Variants in ABTB2 observed in about 807,000 individuals in gnomAD.
The protein encoded by ABTB2 is ankyrin repeat and BTB domain containing 2.
In ABTB2, 56 loss-of-function variants were observed where a neutral mutation model predicts 104.1. That is an observed-to-expected ratio of 0.54 (90% CI 0.43 to 0.67). The LOEUF (loss-of-function observed/expected upper bound fraction) is 0.67. ABTB2 is among the 30% of genes least tolerant of loss of function. The probability of loss-of-function intolerance (pLI) is 0.00; values close to 1 mark genes in which losing one functional copy is unlikely to be tolerated. For missense variants in ABTB2, 1,279 were observed against 1,407.7 expected (o/e 0.91, Z 1.46); for synonymous variants, 606 against 608.2 (o/e 1.00, Z 0.05).
chr11:34,242,353 C>T (rs1853929415), intron 1 of ABTB2: 1 of 152,302 alleles, frequency 6.6e-6, no homozygotes, highest in African/African-American at 2.4e-5. Context: ...CCAGACTACT[C>T]TAGGACTCCG....
intron 3 of ABTB2, among the ~76,000 whole-genome samples, chr11:34,174,861 C>T (rs1852940919): frequency 6.6e-6 from 1 of 152,278 alleles, no homozygotes; most frequent in South Asian, 2.1e-4. Flanking sequence ...GCCCAAAAGT[C>T]AGCCTCCCGG....
At chr11:34,166,909 G>A (rs921412292) in intron 7 of ABTB2, among the ~76,000 whole-genome samples, 2 of 152,212 alleles carry the variant, frequency 1.3e-5, no homozygotes, top group South Asian at 4.1e-4. Context: ...GAGGAGAAAA[G>A]GGAAGGGTCG....
Position 34,203,819 on chromosome 11 carries a change from C to T in ABTB2, c.1030+725G>A, listed in dbSNP as rs942315356. On this transcript the variant is annotated intron_variant, in intron 2 of 16. Coordinates refer to ENST00000435224, the MANE Select transcript of ABTB2 (RefSeq NM_145804.3). Reference sequence around the variant, plus strand: ...GAGCAGAGGGAAACTCCAGGTGTGCCCATGCTGTGTGCTATGACCCCTGCT... The same window carrying T: ...GAGCAGAGGGAAACTCCAGGTGTGCTCATGCTGTGTGCTATGACCCCTGCT... 4.6e-5 allele frequency among the ~76,000 whole-genome samples: 7 copies of T among 152,300 alleles called. 1 individual carries two copies. Among genetic ancestry groups the T allele is most frequent in the Admixed American group, 2.0e-4 (3 of 15,298 alleles).
At chr11:34,313,270 G>A (rs1280994262) in intron 1 of ABTB2, among the ~76,000 whole-genome samples, 1 of 152,238 alleles carries the variant, frequency 6.6e-6, no homozygotes, top group Non-Finnish European at 1.5e-5. Context: ...AACCGCTTCT[G>A]GTGCTGGCTC....
chr11:34,306,890 G>A (rs1242782199), intron 1 of ABTB2, among the ~76,000 whole-genome samples: 2 of 149,738 alleles, frequency 1.3e-5, no homozygotes, highest in Non-Finnish European at 2.9e-5. Context: ...CACATAGCAG[G>A]TACTTAAAGA....
intron 14 of ABTB2, 88 bp downstream of exon 14, chr11:34,159,208 A>G (rs1590201476): frequency 2.1e-6 from 2 of 960,112 alleles, no homozygotes; most frequent in East Asian, 4.9e-5. Flanking sequence ...AGAGTGAACA[A>G]TGACAACCAA....
At chr11:34,260,794 G>A (rs940235959) in intron 1 of ABTB2, among the ~76,000 whole-genome samples, 6 of 152,152 alleles carry the variant, frequency 3.9e-5, no homozygotes, top group Admixed American at 3.9e-4. Context: ...AGGGCAAACT[G>A]AGACTCCATT....
chr11:34,195,072 C>CGGCGGGGG lies in ABTB2; in HGVS notation c.1244+2245_1244+2252dup, dbSNP rs1554982274. Among the ~76,000 whole-genome samples the CGGCGGGGG allele has an allele frequency of 1.6e-4, 2 of 12,864 alleles. 1 individual carries two copies. Among genetic ancestry groups the CGGCGGGGG allele is most frequent in the Non-Finnish European group, 4.9e-4 (2 of 4,074 alleles). 8.4% of individuals were successfully genotyped at this position (12,864 alleles called of 152,430 possible). A position where few individuals can be genotyped will look rare whatever the true frequency, so the allele number is the denominator to read the frequency against. Reference sequence around the variant, plus strand: ...AGCCACAGGACATGACAAAGATGCCCGGCGGGGGGGGGGAGTGGGGGCGGG... The same window carrying CGGCGGGGG: ...AGCCACAGGACATGACAAAGATGCCCGGCGGGGGGGCGGGGGGGGGGAGTGGGGGCGGG... On this transcript the variant is annotated intron_variant, in intron 3 of 16. Coordinates refer to ENST00000435224, the MANE Select transcript of ABTB2 (RefSeq NM_145804.3).
At chr11:34,245,508 G>A (rs1198910391) in intron 1 of ABTB2, among the ~76,000 whole-genome samples, 1 of 152,212 alleles carries the variant, frequency 6.6e-6, no homozygotes. Flanking sequence ...GAGGTGTGGA[G>A]ACACCTGCGG....
At chr11:34,308,880 A>AAAAAAAG (rs1854812845) in intron 1 of ABTB2, among the ~76,000 whole-genome samples, 2 of 151,068 alleles carry the variant, frequency 1.3e-5, no homozygotes, top group African/African-American at 2.4e-5. Flanking sequence ...AAAAAAAAAA[A>AAAAAAAG]AAAAAAAGAA....
At chr11:34,348,724 G>C (rs1468118075) in intron 1 of ABTB2, among the ~76,000 whole-genome samples, 2 of 152,148 alleles carry the variant, frequency 1.3e-5, no homozygotes, top group Admixed American at 6.5e-5. Flanking sequence ...TTCCAGAGGA[G>C]CTGGGAGGAT....
chr11:34,165,688 G>A (rs1852790627), intron 7 of ABTB2, among the ~76,000 whole-genome samples: 1 of 152,216 alleles, frequency 6.6e-6, no homozygotes, highest in Non-Finnish European at 1.5e-5. Flanking sequence ...CACAGAAAAT[G>A]TTGCCCGCAA....
At chr11:34,175,059 C>T (rs1274286230) in intron 3 of ABTB2, among the ~76,000 whole-genome samples, 5 of 152,228 alleles carry the variant, frequency 3.3e-5, no homozygotes, top group African/African-American at 1.2e-4. Context: ...TAAGTGCTCC[C>T]GCCAGGGAAA....
At chr11:34,288,767 G>T (rs1157834372) in intron 1 of ABTB2, among the ~76,000 whole-genome samples, 1 of 151,554 alleles carries the variant, frequency 6.6e-6, no homozygotes, top group African/African-American at 2.4e-5. Flanking sequence ...TCTCCTGGGT[G>T]CACAAGGAAG....
At chr11:34,299,264 A>G (rs1854667349) in intron 1 of ABTB2, among the ~76,000 whole-genome samples, 1 of 152,242 alleles carries the variant, frequency 6.6e-6, no homozygotes, top group Non-Finnish European at 1.5e-5. Context: ...ACTGTTGCTT[A>G]TGAAAAATAA....
intron 1 of ABTB2, among the ~76,000 whole-genome samples, chr11:34,207,980 A>G (rs1401020420): frequency 6.6e-6 from 1 of 152,190 alleles, no homozygotes; most frequent in Non-Finnish European, 1.5e-5. Flanking sequence ...CTCTACAGAC[A>G]AAAAGCTGTC....
At chr11:34,274,802 G>C (rs1258162310) in intron 1 of ABTB2, among the ~76,000 whole-genome samples, 1 of 152,122 alleles carries the variant, frequency 6.6e-6, no homozygotes, top group Non-Finnish European at 1.5e-5. Flanking sequence ...TCTTGGCCGA[G>C]TGCAGTATTG....
chr11:34,180,990 C>T (rs376767774), intron 3 of ABTB2, among the ~76,000 whole-genome samples: 28 of 152,138 alleles, frequency 1.8e-4, no homozygotes, highest in East Asian at 1.7e-3. Flanking sequence ...CTGCAACCTC[C>T]GCCTCCCTGG....
At chr11:34,194,430 G>A (rs1184736458) in intron 3 of ABTB2, among the ~76,000 whole-genome samples, 1 of 152,338 alleles carries the variant, frequency 6.6e-6, no homozygotes, top group Non-Finnish European at 1.5e-5. Flanking sequence ...AGAGACAGAC[G>A]TCGCACATCC....
Sources: gnomAD v4.1 joint callset for allele counts (sites outside exome capture counted in the v4.1 genomes callset) on GRCh38, gnomAD v4.1.1 for gene constraint, MANE v1.5 for transcripts, NCBI Gene and HGNC (gene_info 2026-07-23, HGNC 2026-07-21) for gene names.